ZNF326: variants seen among roughly 807,000 people sequenced by gnomAD.
ZNF326 encodes zinc finger protein 326, also known as DBIRD complex subunit ZNF326.
ZNF326 carries 30 observed loss-of-function variants against 63.1 expected under a neutral mutation model. The ratio of observed to expected loss-of-function variants is 0.48; its 90% CI spans 0.36 to 0.64. ZNF326 has a LOEUF of 0.64. Among genes scored for constraint, ZNF326 ranks in the 30% least tolerant of loss-of-function variants. ZNF326 has a pLI of 0.00. For synonymous variants in ZNF326, 194 were observed against 228.2 expected (o/e 0.85, Z 1.35); for missense variants, 609 against 720.3 (o/e 0.85, Z 1.77).
chr1:90,022,119 A>G (rs886182908), intron 10 of ZNF326, 131 bp from the exon 11 acceptor site: 2 of 659,288 alleles, frequency 3.0e-6, no homozygotes, highest in East Asian at 2.7e-5. Context: ...AGTAGTTGCT[A>G]TTGCTCTATA....
In ZNF326 at chr1:90,011,135, ATATG is replaced by A. The variant is rs530133834; in HGVS notation, c.814+853_814+856del. ...ACTGATTTGCCCTTAAAGCAGATATATATGTATCCCTCCCCCATACCCCCTTTTT... is the reference window on the plus strand; with the variant it reads ...ACTGATTTGCCCTTAAAGCAGATATATATCCCTCCCCCATACCCCCTTTTT... On this transcript the variant is annotated intron_variant, in intron 6 of 11. Transcript: ENST00000340281. Among the ~76,000 whole-genome samples the A allele has an allele frequency of 3.6e-3, 551 of 152,316 alleles. 3 individuals are homozygous for A. Among genetic ancestry groups the A allele is most frequent in the African/African-American group, 0.012 (519 of 41,570 alleles).
At position 90,010,228 on chromosome 1, in the gene ZNF326, T is replaced by C. The variant is rs1211628336; in HGVS notation, c.756T>C (p.Phe252=). 3.7e-6 allele frequency: 6 copies of C among 1,613,888 alleles called. No homozygotes were observed. Among genetic ancestry groups the C allele is most frequent in the Non-Finnish European group, 5.1e-6 (6 of 1,179,844 alleles). ...MQPFNKPSGT[F]IKKPKLAKPM... ...CATTTAATAAGCCCAGTGGAACCTT[T>C]ATCAAGAAACCCAAACTAGCAAAAC... The change falls in exon 6 of 12, where the codon TTT becomes TTC. Residue 252 remains phenylalanine, a synonymous_variant. Coordinates refer to ENST00000340281, the MANE Select transcript of ZNF326 (RefSeq NM_182976.4).
intron 1 of ZNF326, 129 bp downstream of exon 1, chr1:89,995,402 C>A (rs1432043503): frequency 1.6e-6 from 2 of 1,252,068 alleles, no homozygotes; most frequent in Admixed American, 3.6e-5. Context: ...CCCGCCCGCC[C>A]CGGGCCCAGC....
intron 4 of ZNF326, chr1:90,006,251 G>T (rs1327792008): frequency 1.9e-5 from 19 of 983,536 alleles, no homozygotes; most frequent in Non-Finnish European, 2.3e-5. Context: ...TTTTTATATG[G>T]TTACTAGGAT....
chr1:90,011,585 G>A (rs924674790), intron 6 of ZNF326, among the ~76,000 whole-genome samples: 8 of 143,280 alleles, frequency 5.6e-5, no homozygotes, highest in Admixed American at 3.6e-4. Flanking sequence ...CTCACAGTGA[G>A]TTACCACTCC....
In ZNF326 at chr1:90,010,179, G is replaced by T. The variant is rs1415134385; in HGVS notation, c.707G>T (p.Gly236Val). Residue 236 changes from glycine to valine, a missense_variant, in exon 6 of 12, where the codon GGA becomes GTA. Gly to Val is a moderately radical substitution (Grantham distance 109). Transcript: ENST00000340281. Reference protein sequence around the residue: ...STNVTVAAARGIKRKMMQPFN... With the variant: ...STNVTVAAARVIKRKMMQPFN... ...AATGTGACAGTTGCTGCTGCAAGAG[G>T]AATAAAGAGAAAAATGATGCAGCCA... is the stretch of plus-strand genomic sequence containing the variant. 1 of 1,613,718 alleles carries T rather than the reference G, an allele frequency of 6.2e-7. No homozygotes were observed. The highest frequency in any genetic ancestry group is 8.5e-7 in the Non-Finnish European group (1 of 1,179,858).
In ZNF326 at chr1:90,031,428, A is replaced by G. The variant is rs1200648797; in HGVS notation, c.*3727A>G. 1 of 152,174 alleles carries G rather than the reference A, an allele frequency of 6.6e-6. No individual in the cohort carries two copies. Among genetic ancestry groups the G allele is most frequent in the African/African-American group, 2.4e-5 (1 of 41,442 alleles). The allele number at this position is 152,174 out of a possible 1,614,324, so 9.4% of individuals were successfully genotyped here. A position where few individuals can be genotyped will look rare whatever the true frequency, so the allele number is the denominator to read the frequency against. On this transcript the variant is annotated 3_prime_UTR_variant, in exon 12 of 12. Transcript: ENST00000340281. ...TATTTTAGATGTTATTCAACATTTGATTTATTTACCAAATTGTCCTTACTT... is the reference window on the plus strand; with the variant it reads ...TATTTTAGATGTTATTCAACATTTGGTTTATTTACCAAATTGTCCTTACTT...
rs1225106826 is a variant in ZNF326 at position 90,029,938 on chromosome 1, A to G, written c.*2237A>G. On this transcript the variant is annotated 3_prime_UTR_variant, in exon 12 of 12. Coordinates refer to ENST00000340281, the MANE Select transcript of ZNF326 (RefSeq NM_182976.4). The stretch of plus-strand genomic sequence containing the variant: ...AGTTTTTGTGATCCTTAGTGTTTAT[A>G]TTTGCATTGCTTTTGTAATAAGGAT... The G allele has an allele frequency of 1.3e-5, 2 of 152,144 alleles. No homozygotes were observed. Among genetic ancestry groups the G allele is most frequent in the Admixed American group, 6.5e-5 (1 of 15,286 alleles). The allele number at this position is 152,144 out of a possible 1,614,324, so 9.4% of individuals were successfully genotyped here.
At chr1:90,015,634 C>T (rs757301395) in intron 7 of ZNF326, among the ~76,000 whole-genome samples, 7 of 152,002 alleles carry the variant, frequency 4.6e-5, no homozygotes, top group South Asian at 4.1e-4. Context: ...GAGTTGAGAT[C>T]GCGCCACTGC....
At chr1:90,013,369 C>G in intron 7 of ZNF326, 132 bp downstream of exon 7, 1 of 696,214 alleles carries the variant, frequency 1.4e-6, no homozygotes, top group Non-Finnish European at 2.1e-6. Context: ...CAGAGGAATG[C>G]TTTTGGTTTT....
chr1:90,023,004 A>G (rs889049726), intron 11 of ZNF326, among the ~76,000 whole-genome samples: 4 of 152,150 alleles, frequency 2.6e-5, no homozygotes, highest in Non-Finnish European at 5.9e-5. Context: ...TGCTTCTAAT[A>G]TTATGAAACT....
In ZNF326 at chr1:89,995,148, G is replaced by C. The variant is rs1292160710; in HGVS notation, c.-110G>C. Reference sequence around the variant, plus strand: ...CCTGCGGCTCCCGGGCTGGTAGCGCGCCGCTCTCGGTCGCGCGGAGTGATC... The same window carrying C: ...CCTGCGGCTCCCGGGCTGGTAGCGCCCCGCTCTCGGTCGCGCGGAGTGATC... On this transcript the variant is annotated 5_prime_UTR_variant, in exon 1 of 12. Coordinates refer to ENST00000340281, the MANE Select transcript of ZNF326 (RefSeq NM_182976.4). 8 of 1,353,420 alleles carry C rather than the reference G, an allele frequency of 5.9e-6. No individual in the cohort carries two copies. Among genetic ancestry groups the C allele is most frequent in the Non-Finnish European group, 7.0e-6 (7 of 999,706 alleles). The allele number at this position is 1,353,420 out of a possible 1,614,324, so 83.8% of individuals were successfully genotyped here. A position where few individuals can be genotyped will look rare whatever the true frequency, so the allele number is the denominator to read the frequency against.
At chr1:90,004,484 A>G (rs1266356923) in intron 2 of ZNF326, among the ~76,000 whole-genome samples, 2 of 152,240 alleles carry the variant, frequency 1.3e-5, no homozygotes, top group African/African-American at 4.8e-5. Context: ...TGTATCATTA[A>G]TTATATATGC....
At chr1:90,026,715 A>G (rs1433946365) in intron 11 of ZNF326, among the ~76,000 whole-genome samples, 1 of 152,196 alleles carries the variant, frequency 6.6e-6, no homozygotes, top group Non-Finnish European at 1.5e-5. Flanking sequence ...GGTAGTGCCA[A>G]TCTTAATATT....
chr1:90,005,251 T>C lies in ZNF326; in HGVS notation c.209+7T>C. The C allele has an allele frequency of 6.2e-7, 1 of 1,606,382 alleles. No individual in the cohort carries two copies. Among genetic ancestry groups the C allele is most frequent in the Non-Finnish European group, 8.5e-7 (1 of 1,177,850 alleles). On this transcript the variant is annotated splice_region_variant and intron_variant, in intron 4 of 11. Transcript: ENST00000340281. ...GTGGTGGTGGGGGTAGCAGGTAAAT[T>C]GCTTAATCATTTGGCCAAATAATTA...
Position 90,021,003 on chromosome 1 carries a change from A to G in ZNF326, c.1305+81A>G, listed in dbSNP as rs1263872937. 5.7e-6 allele frequency: 8 copies of G among 1,401,318 alleles called. No homozygotes were observed. In the Admixed American group the frequency reaches 1.6e-4, roughly 28 times the overall value. 86.8% of individuals were successfully genotyped at this position (1,401,318 alleles called of 1,614,324 possible). A position where few individuals can be genotyped will look rare whatever the true frequency, so the allele number is the denominator to read the frequency against. On this transcript the variant is annotated intron_variant, in intron 10 of 11. Transcript: ENST00000340281. ...GTTCTTTGGCCATAGCTTCACACCT[A>G]TCTGCAATTTTATCAATTTATCAAT...
rs1490430023 is a variant in ZNF326, at chr1:90,033,010, T to G, written c.*5309T>G. 2 of 152,200 alleles carry G rather than the reference T, an allele frequency of 1.3e-5. No homozygotes were observed. The highest frequency in any genetic ancestry group is 2.9e-5 in the Non-Finnish European group (2 of 68,024). The allele number at this position is 152,200 out of a possible 1,614,324, so 9.4% of individuals were successfully genotyped here. A position where few individuals can be genotyped will look rare whatever the true frequency, so the allele number is the denominator to read the frequency against. On this transcript the variant is annotated 3_prime_UTR_variant, in exon 12 of 12. Coordinates refer to ENST00000340281, the MANE Select transcript of ZNF326 (RefSeq NM_182976.4). Reference sequence around the variant, plus strand: ...TCTATTTCCCAATTTTCCTTCTGACTGTTCCTTTCTCCTTCCTCACACAAT... The same window carrying G: ...TCTATTTCCCAATTTTCCTTCTGACGGTTCCTTTCTCCTTCCTCACACAAT...
chr1:90,014,475 AAATTT>A (rs1299249850), intron 7 of ZNF326, among the ~76,000 whole-genome samples: 4 of 152,242 alleles, frequency 2.6e-5, no homozygotes, highest in Non-Finnish European at 5.9e-5. Flanking sequence ...ATTAAACTAA[AAATTT>A]AAATAATAGT....
In ZNF326 at chr1:90,028,744, G is replaced by A. The variant is rs765255678; in HGVS notation, c.*1043G>A. The A allele has an allele frequency of 3.3e-5, 5 of 151,452 alleles. No individual in the cohort carries two copies. Among genetic ancestry groups the A allele is most frequent in the Non-Finnish European group, 5.9e-5 (4 of 67,932 alleles). 9.4% of individuals were successfully genotyped at this position (151,452 alleles called of 1,614,324 possible). ...TTAAATAATTTATTTTCAAACAACC[G>A]TCTATGTCACTAAAAAGTAGTGCTC... On this transcript the variant is annotated 3_prime_UTR_variant, in exon 12 of 12. Transcript: ENST00000340281.
Sources: allele counts gnomAD v4.1 joint callset (sites outside exome capture counted in the v4.1 genomes callset), GRCh38; gene constraint gnomAD v4.1.1; transcripts MANE v1.5; gene names NCBI Gene and HGNC (gene_info 2026-07-23, HGNC 2026-07-21).